NTM: variants seen among roughly 807,000 people sequenced by gnomAD.
NTM encodes the protein IgLON family member 2.
NTM carries 13 observed loss-of-function variants against 42.1 expected under a neutral mutation model. The ratio of observed to expected loss-of-function variants is 0.31; its 90% CI spans 0.20 to 0.49. NTM has a LOEUF of 0.49. NTM is among the 20% of genes least tolerant of loss of function. The probability of loss-of-function intolerance (pLI) is 0.99; values close to 1 mark genes in which losing one functional copy is unlikely to be tolerated. For missense variants in NTM, 373 were observed against 452.8 expected (o/e 0.82, Z 1.60); for synonymous variants, 187 against 179.2 (o/e 1.04, Z -0.35).
At chr11:131,894,139 T>A (rs561350681) in intron 1 of NTM, among the ~76,000 whole-genome samples, 1 of 152,246 alleles carries the variant, frequency 6.6e-6, no homozygotes, top group African/African-American at 2.4e-5. Context: ...AACAATCTGG[T>A]GTTTGTTGGG....
At chr11:131,961,255 G>A (rs2062135444) in intron 2 of NTM, among the ~76,000 whole-genome samples, 1 of 152,132 alleles carries the variant, frequency 6.6e-6, no homozygotes, top group Non-Finnish European at 1.5e-5. Context: ...GCAGGAAATG[G>A]CAGGAAAGAG....
At chr11:132,169,884 T>C (rs1408158703) in intron 3 of NTM, among the ~76,000 whole-genome samples, 1 of 152,144 alleles carries the variant, frequency 6.6e-6, no homozygotes, top group African/African-American at 2.4e-5. Flanking sequence ...ACCCCATCTT[T>C]CTCCTCAGTT....
chr11:132,287,380 T>C lies in NTM; in HGVS notation c.527-20309T>C, dbSNP rs577748873. Among the ~76,000 whole-genome samples the C allele has an allele frequency of 2.0e-5, 3 of 152,316 alleles. No individual in the cohort carries two copies. The East Asian group carries it at 5.8e-4, about 29-fold the overall frequency. On this transcript the variant is annotated intron_variant, in intron 4 of 8. Transcript: ENST00000683400. ...CCCGGATGTTCTGTCTGCGTACGTT[T>C]CCTTCTAATAACTTGAGAGAAGCAT...
chr11:131,373,291 GC>G (rs1382208436), intron 1 of NTM, among the ~76,000 whole-genome samples: 6 of 152,318 alleles, frequency 3.9e-5, no homozygotes, highest in African/African-American at 1.4e-4. Context: ...TAGTTAGAAT[GC>G]AGCACACATT....
chr11:131,661,253 T>C (rs779056436), intron 1 of NTM: 3 of 306,350 alleles, frequency 9.8e-6, no homozygotes, highest in Non-Finnish European at 2.0e-5. Context: ...CTGGGTGAAG[T>C]TCCAAGTCAG....
intron 2 of NTM, among the ~76,000 whole-genome samples, chr11:132,026,050 C>T (rs778233278): frequency 6.6e-6 from 1 of 152,112 alleles, no homozygotes; most frequent in Non-Finnish European, 1.5e-5. Flanking sequence ...AACACTTGCC[C>T]ACAGATGTTG....
chr11:132,219,431 T>G (rs574152412), intron 4 of NTM, among the ~76,000 whole-genome samples: 23 of 152,274 alleles, frequency 1.5e-4, no homozygotes, highest in Admixed American at 2.6e-4. Context: ...TGTAAATGAT[T>G]GTTGAATGAG....
At chr11:131,845,439 A>T (rs1371717185) in intron 1 of NTM, among the ~76,000 whole-genome samples, 1 of 152,152 alleles carries the variant, frequency 6.6e-6, no homozygotes, top group African/African-American at 2.4e-5. Flanking sequence ...AGCGTATAGT[A>T]GAGCAGCAGC....
intron 1 of NTM, among the ~76,000 whole-genome samples, chr11:131,595,786 A>G (rs1348229328): frequency 6.6e-6 from 1 of 152,248 alleles, no homozygotes; most frequent in East Asian, 1.9e-4. Context: ...GCAGGAAGGC[A>G]AGAGTAGCCC....
chr11:131,659,791 G>A (rs969320147), intron 1 of NTM, among the ~76,000 whole-genome samples: 4 of 152,158 alleles, frequency 2.6e-5, no homozygotes, highest in African/African-American at 9.7e-5. Flanking sequence ...CAGAATCGGG[G>A]GACACGTGGC....
At chr11:131,805,724 C>T (rs1238819204) in intron 1 of NTM, among the ~76,000 whole-genome samples, 4 of 152,052 alleles carry the variant, frequency 2.6e-5, no homozygotes, top group Admixed American at 2.6e-4. Flanking sequence ...TCTTTATTGT[C>T]AATAATAGAA....
At chr11:132,313,055 A>T (rs2095324918) in intron 6 of NTM, among the ~76,000 whole-genome samples, 1 of 152,198 alleles carries the variant, frequency 6.6e-6, no homozygotes, top group Admixed American at 6.5e-5. Context: ...AACTCCGGCC[A>T]GAACCTGCCT....
At chr11:132,309,036 A>G (rs1241560451) in intron 5 of NTM, among the ~76,000 whole-genome samples, 2 of 152,212 alleles carry the variant, frequency 1.3e-5, no homozygotes, top group Non-Finnish European at 2.9e-5. Context: ...CATAAGATAA[A>G]AGCAAATTAG....
rs1443279848 is a variant in NTM at position 131,763,707 on chromosome 11, C to CTTTTTT, written c.83-147856_83-147855insTTTTTT. 2.9e-3 allele frequency among the ~76,000 whole-genome samples: 178 copies of CTTTTTT among 60,748 alleles called. 5 individuals carry two copies. The highest frequency in any genetic ancestry group is 7.3e-3 in the African/African-American group (168 of 22,932). The allele number at this position is 60,748 out of a possible 152,430, so 39.9% of individuals were successfully genotyped here. On this transcript the variant is annotated intron_variant, in intron 1 of 8. Transcript: ENST00000683400. ...TTCTTATCCACAGGCCCATCTCTCT[C>CTTTTTT]TCTTTTTTTTTTTTTTTTTTTTTTT...
At chr11:132,097,372 C>T (rs1005529988) in intron 2 of NTM, among the ~76,000 whole-genome samples, 9 of 152,188 alleles carry the variant, frequency 5.9e-5, no homozygotes, top group East Asian at 1.9e-4. Context: ...GGTGCCACGT[C>T]GGCCAGGATG....
chr11:131,836,930 T>C (rs2043574371), intron 1 of NTM, among the ~76,000 whole-genome samples: 1 of 152,218 alleles, frequency 6.6e-6, no homozygotes, highest in South Asian at 2.1e-4. Flanking sequence ...ATCCATTGTG[T>C]GATTAGTAAT....
At chr11:131,571,801 C>T (rs766997634) in intron 1 of NTM, among the ~76,000 whole-genome samples, 23 of 152,202 alleles carry the variant, frequency 1.5e-4, no homozygotes, top group Non-Finnish European at 2.9e-4. Context: ...TAAGGCAATA[C>T]AGGACTTGTC....
At chr11:131,644,412 A>G (rs1287086637) in intron 1 of NTM, among the ~76,000 whole-genome samples, 1 of 152,118 alleles carries the variant, frequency 6.6e-6, no homozygotes, top group African/African-American at 2.4e-5. Flanking sequence ...GGAGTTTCCC[A>G]TTCTGTTCTT....
intron 2 of NTM, among the ~76,000 whole-genome samples, chr11:131,990,263 A>G (rs1417672921): frequency 1.3e-5 from 2 of 152,126 alleles, no homozygotes; most frequent in African/African-American, 2.4e-5. Flanking sequence ...GAAATCCAGT[A>G]CTCTTCATAA....
Sources: gnomAD v4.1 joint callset for allele counts (sites outside exome capture counted in the v4.1 genomes callset) on GRCh38, gnomAD v4.1.1 for gene constraint, MANE v1.5 for transcripts, NCBI Gene and HGNC (gene_info 2026-07-23, HGNC 2026-07-21) for gene names.